Variants in HOMER1 observed in about 807,000 individuals in gnomAD.
HOMER1 encodes homer protein homolog 1.
In HOMER1, 3 loss-of-function variants were observed where a neutral mutation model predicts 48.9. The ratio of observed to expected loss-of-function variants is 0.06; its 90% CI spans 0.03 to 0.16. The LOEUF (loss-of-function observed/expected upper bound fraction) is 0.16, where lower values mean the gene tolerates loss of function less well. Ranked by LOEUF, HOMER1 falls within the 10% of genes least tolerant of loss-of-function variation. The pLI is 1.00. For missense variants in HOMER1, 247 were observed against 411.4 expected, an observed-to-expected ratio of 0.60 and a Z score of 3.46; for synonymous variants, 134 against 146.4, an observed-to-expected ratio of 0.92 and a Z score of 0.61.
intron 8 of HOMER1, among the ~76,000 whole-genome samples, chr5:79,379,724 C>T (rs1377311285): frequency 6.6e-6 from 1 of 151,570 alleles, no homozygotes; most frequent in Non-Finnish European, 1.5e-5. Context: ...GGACTACAGA[C>T]GTGAGCCACC....
At chr5:79,452,979 C>T (rs1042209392) in intron 2 of HOMER1, among the ~76,000 whole-genome samples, 11 of 152,098 alleles carry the variant, frequency 7.2e-5, no homozygotes, top group African/African-American at 2.7e-4. Context: ...GTTAAGGAAT[C>T]ATTCGTTTAT....
chr5:79,465,515 T>C (rs1469684262), intron 1 of HOMER1, among the ~76,000 whole-genome samples: 2 of 151,654 alleles, frequency 1.3e-5, no homozygotes, highest in African/African-American at 2.4e-5. Context: ...AAAATTTCCA[T>C]TTGGAAATTA....
intron 1 of HOMER1, among the ~76,000 whole-genome samples, chr5:79,500,953 G>GTGTGTGTGTGTGTGTGAGAC (rs1491130611): frequency 8.8e-6 from 1 of 113,758 alleles, no homozygotes; most frequent in Non-Finnish European, 1.8e-5. Flanking sequence ...GTGTGTGTGT[G>GTGTGTGTGTGTGTGTGAGAC]AGACAGACAG....
chr5:79,411,992 G>A (rs1013146877), intron 5 of HOMER1, among the ~76,000 whole-genome samples: 1 of 152,092 alleles, frequency 6.6e-6, no homozygotes, highest in East Asian at 1.9e-4. Context: ...GGTGGCAGAC[G>A]CCTGTAATCC....
intron 8 of HOMER1, among the ~76,000 whole-genome samples, chr5:79,379,103 TATATATATATAAAATATATAA>T (rs1748863198): frequency 1.7e-5 from 1 of 58,636 alleles, no homozygotes; most frequent in African/African-American, 1.1e-4. Flanking sequence ...TATATATATA[TATATATATATAAAATATATAA>T]ATATTTATTT....
intron 5 of HOMER1, among the ~76,000 whole-genome samples, chr5:79,414,739 T>C (rs1749900176): frequency 6.6e-6 from 1 of 152,086 alleles, no homozygotes; most frequent in African/African-American, 2.4e-5. Context: ...CTCTGGTCCT[T>C]GTTTTTTTCT....
At chr5:79,427,316 G>A (rs189886787) in intron 5 of HOMER1, among the ~76,000 whole-genome samples, 21 of 152,120 alleles carry the variant, frequency 1.4e-4, no homozygotes, top group Admixed American at 7.2e-4. Flanking sequence ...ATTTTTATTC[G>A]TATTTAATAA....
chr5:79,427,760 CCCTT>C (rs747891665), intron 5 of HOMER1, among the ~76,000 whole-genome samples: 19 of 119,312 alleles, frequency 1.6e-4, no homozygotes, highest in Non-Finnish European at 9.8e-5. Flanking sequence ...TCCTTTCCTT[CCCTT>C]CCTTCCTTCC....
chr5:79,487,064 A>C (rs1752125577), intron 1 of HOMER1, among the ~76,000 whole-genome samples: 1 of 152,132 alleles, frequency 6.6e-6, no homozygotes, highest in African/African-American at 2.4e-5. Context: ...GAGGATCACA[A>C]GGTCAAGAGA....
At chr5:79,476,574 G>A in intron 1 of HOMER1, among the ~76,000 whole-genome samples, 1 of 152,068 alleles carries the variant, frequency 6.6e-6, no homozygotes, top group East Asian at 1.9e-4. Context: ...TTAATTTGCT[G>A]GAATAGCTCA....
intron 1 of HOMER1, among the ~76,000 whole-genome samples, chr5:79,501,475 C>G (rs112302885): frequency 0.019 from 2,890 of 152,206 alleles, 104 homozygotes; most frequent in African/African-American, 0.066. Flanking sequence ...CCTCTAACCC[C>G]CACCATGTTC....
intron 1 of HOMER1, among the ~76,000 whole-genome samples, chr5:79,481,513 T>G (rs560466163): frequency 6.6e-6 from 1 of 152,158 alleles, no homozygotes; most frequent in African/African-American, 2.4e-5. Flanking sequence ...CAGCTAGAAT[T>G]TGCAGGACAG....
chr5:79,411,009 G>A (rs1001399907), intron 5 of HOMER1, among the ~76,000 whole-genome samples: 4 of 152,158 alleles, frequency 2.6e-5, no homozygotes, highest in Admixed American at 6.5e-5. Context: ...ATGATCTCAC[G>A]TCTCAACGCT....
chr5:79,444,479 A>G lies in HOMER1; in HGVS notation c.387+2574T>C, dbSNP rs73773706. Among the ~76,000 whole-genome samples, 1,502 of 152,378 alleles carry G rather than the reference A, an allele frequency of 9.9e-3. 22 individuals are homozygous for G. Among genetic ancestry groups the G allele is most frequent in the African/African-American group, 0.034 (1,394 of 41,586 alleles). ...GGTCCATATATTTTGGCTCTCAAATAGTGATGAACTTATTTCCTTATTCTT... is the reference window on the plus strand; with the variant it reads ...GGTCCATATATTTTGGCTCTCAAATGGTGATGAACTTATTTCCTTATTCTT... On this transcript the variant is annotated intron_variant, in intron 4 of 8. Coordinates refer to ENST00000334082, the MANE Select transcript of HOMER1 (RefSeq NM_004272.5).
At chr5:79,397,218 C>G (rs1749410489) in intron 7 of HOMER1, among the ~76,000 whole-genome samples, 1 of 151,992 alleles carries the variant, frequency 6.6e-6, no homozygotes, top group Non-Finnish European at 1.5e-5. Context: ...TGACTGGAAC[C>G]CAGAGAAACC....
intron 1 of HOMER1, among the ~76,000 whole-genome samples, chr5:79,489,833 T>A (rs1752219384): frequency 6.6e-6 from 1 of 152,220 alleles, no homozygotes; most frequent in African/African-American, 2.4e-5. Context: ...ATTGCATAGA[T>A]GCTACATTTT....
chr5:79,510,755 G>A (rs549905271), intron 1 of HOMER1: 6 of 765,924 alleles, frequency 7.8e-6, no homozygotes, highest in East Asian at 4.9e-5. Flanking sequence ...AAGCATGCTC[G>A]TGCCCGCATT....
chr5:79,435,995 G>A (rs1201215035), intron 5 of HOMER1, among the ~76,000 whole-genome samples: 20 of 148,508 alleles, frequency 1.3e-4, no homozygotes, highest in African/African-American at 2.7e-4. Flanking sequence ...GCGCGGTGGC[G>A]GGCGCCTGTA....
intron 1 of HOMER1, among the ~76,000 whole-genome samples, chr5:79,485,463 G>C (rs1445714232): frequency 6.6e-6 from 1 of 152,138 alleles, no homozygotes; most frequent in Non-Finnish European, 1.5e-5. Flanking sequence ...ACTGACTCCT[G>C]GTGTTTCTGT....
Sources: gnomAD v4.1 joint callset for allele counts (sites outside exome capture counted in the v4.1 genomes callset) on GRCh38, gnomAD v4.1.1 for gene constraint, MANE v1.5 for transcripts, NCBI Gene and HGNC (gene_info 2026-07-23, HGNC 2026-07-21) for gene names.